The following SYCP1 variants were observed in gnomAD, a reference collection of about 807,000 sequenced individuals.
SYCP1 encodes the protein cancer/testis antigen 8.
Under a neutral mutation model 153.1 loss-of-function variants are expected in SYCP1, and 64 were observed. The observed-to-expected ratio is 0.42, with a 90% CI of 0.34 to 0.51. The LOEUF is 0.51. Among genes scored for constraint, SYCP1 ranks in the 20% least tolerant of loss-of-function variants. The pLI, the probability that SYCP1 is intolerant of heterozygous loss-of-function variation, is 0.06. For synonymous variants in SYCP1, 384 were observed against 341.8 expected (o/e 1.12, Z -1.36); for missense variants, 997 against 1,049.0 (o/e 0.95, Z 0.68).
At position 114,947,954 on chromosome 1, in the gene SYCP1, A is replaced by G. The variant is rs112611864; in HGVS notation, c.2322+634A>G. ...TTAAGTTTTAGGGTACATGTGCACA[A>G]CGTGCAGGTTTGTTACATATGTATA... On this transcript the variant is annotated intron_variant, in intron 27 of 31. Coordinates refer to ENST00000369522, the MANE Select transcript of SYCP1 (RefSeq NM_003176.4). Among the ~76,000 whole-genome samples, 997 of 151,904 alleles carry G rather than the reference A, an allele frequency of 6.6e-3. 7 individuals are homozygous for G. Among genetic ancestry groups the G allele is most frequent in the African/African-American group, 0.023 (939 of 41,410 alleles).
intron 27 of SYCP1, among the ~76,000 whole-genome samples, chr1:114,966,307 T>C (rs1016743023): frequency 4.6e-5 from 7 of 152,174 alleles, no homozygotes; most frequent in African/African-American, 1.7e-4. Context: ...CCTAGATTCG[T>C]TGATTTTTTT....
intron 30 of SYCP1, among the ~76,000 whole-genome samples, chr1:114,989,382 C>T (rs1673759289): frequency 6.7e-6 from 1 of 149,014 alleles, no homozygotes; most frequent in Admixed American, 6.8e-5. Context: ...TCAGAATGTT[C>T]AAGTACAAAA....
intron 8 of SYCP1, among the ~76,000 whole-genome samples, chr1:114,861,799 C>CTTTTT: frequency 7.7e-6 from 1 of 129,908 alleles, no homozygotes; most frequent in Non-Finnish European, 1.7e-5. Flanking sequence ...TTTTTTTATT[C>CTTTTT]TTTTTTTTTT....
chr1:114,981,415 C>T lies in SYCP1; in HGVS notation c.2462C>T (p.Ser821Phe). The change falls in exon 29 of 32, where the codon TCT becomes TTT. Residue 821 changes from serine (S) to phenylalanine (F), a missense_variant. This residue lies in a region of SYCP1 where 712 missense variants were observed against 682.9 expected (regional missense o/e 1.04). Coordinates refer to ENST00000369522, the MANE Select transcript of SYCP1 (RefSeq NM_003176.4). Reference protein sequence around the residue: ...DSKAVPSQTVSRNFTSVDHGI... With the variant: ...DSKAVPSQTVFRNFTSVDHGI... ...AAAGCAGTTCCTTCACAAACTGTAT[C>T]TCGAAATTTCACATCAGTTGATCAT... 6.2e-7 allele frequency: 1 copy of T among 1,609,404 alleles called. No individual in the cohort carries two copies. The highest frequency in any genetic ancestry group is 8.5e-7 in the Non-Finnish European group (1 of 1,178,150).
At chr1:114,913,248 T>G in intron 19 of SYCP1, 98 bp downstream of exon 19, 1 of 963,638 alleles carries the variant, frequency 1.0e-6, no homozygotes, top group Non-Finnish European at 1.6e-6. Context: ...AAAGTCTGAT[T>G]GCTTTAGAGC....
At chr1:114,876,460 T>C (rs1665542153) in intron 10 of SYCP1, among the ~76,000 whole-genome samples, 1 of 151,790 alleles carries the variant, frequency 6.6e-6, no homozygotes, top group Admixed American at 6.6e-5. Context: ...ATTATACATA[T>C]TTAAAACCTG....
chr1:114,966,082 G>A (rs1176659716), intron 27 of SYCP1, among the ~76,000 whole-genome samples: 1 of 152,126 alleles, frequency 6.6e-6, no homozygotes, highest in Non-Finnish European at 1.5e-5. Context: ...GAGGGTGTAT[G>A]TGTCCAGGAA....
chr1:114,901,360 A>G (rs1305392707), intron 16 of SYCP1, among the ~76,000 whole-genome samples: 1 of 152,172 alleles, frequency 6.6e-6, no homozygotes, highest in Non-Finnish European at 1.5e-5. Flanking sequence ...TAAGCTGAGT[A>G]CTCCTTAAGA....
intron 30 of SYCP1, among the ~76,000 whole-genome samples, chr1:114,986,248 C>T (rs1005692616): frequency 7.2e-5 from 11 of 151,850 alleles, no homozygotes; most frequent in Non-Finnish European, 1.3e-4. Flanking sequence ...GACATGGAAC[C>T]AAAATTTGAA....
intron 28 of SYCP1, among the ~76,000 whole-genome samples, chr1:114,978,652 A>G (rs781710839): frequency 2.4e-4 from 36 of 151,718 alleles, no homozygotes; most frequent in Non-Finnish European, 4.1e-4. Flanking sequence ...CTCTGATTAT[A>G]GTTAAACTGG....
At chr1:114,932,409 TA>T (rs1218720613) in intron 23 of SYCP1, among the ~76,000 whole-genome samples, 13 of 152,246 alleles carry the variant, frequency 8.5e-5, no homozygotes, top group African/African-American at 3.1e-4. Flanking sequence ...ATAAACTGGT[TA>T]AAATATTGGC....
At chr1:114,925,228 A>G (rs1669181302) in intron 21 of SYCP1, among the ~76,000 whole-genome samples, 1 of 152,134 alleles carries the variant, frequency 6.6e-6, no homozygotes, top group African/African-American at 2.4e-5. Context: ...AATACTTGGT[A>G]TGTAATTCAC....
chr1:114,974,122 T>C (rs1009239245), intron 27 of SYCP1, among the ~76,000 whole-genome samples: 1 of 151,912 alleles, frequency 6.6e-6, no homozygotes, highest in African/African-American at 2.4e-5. Flanking sequence ...TGATTGAATC[T>C]GTAATCCAAG....
intron 27 of SYCP1, among the ~76,000 whole-genome samples, chr1:114,961,066 C>G (rs890037260): frequency 2.0e-5 from 3 of 152,152 alleles, no homozygotes; most frequent in African/African-American, 7.2e-5. Flanking sequence ...CTCTTGCTTC[C>G]TGGTTTAATC....
chr1:114,981,263 AC>A (rs959232838), intron 28 of SYCP1, 72 bp from the exon 29 acceptor site: 2 of 1,202,276 alleles, frequency 1.7e-6, no homozygotes, highest in African/African-American at 3.1e-5. Flanking sequence ...TAGTTGCTGC[AC>A]TTTAATTAAA....
At chr1:114,959,856 C>T (rs757419311) in intron 27 of SYCP1, among the ~76,000 whole-genome samples, 47 of 152,214 alleles carry the variant, frequency 3.1e-4, no homozygotes, top group Middle Eastern at 3.4e-3. Context: ...CTTTCTGTGC[C>T]TGGCTTATTT....
At chr1:114,895,901 G>C (rs911579043) in intron 16 of SYCP1, among the ~76,000 whole-genome samples, 1 of 151,994 alleles carries the variant, frequency 6.6e-6, no homozygotes, top group Admixed American at 6.6e-5. Context: ...GAAGATGTAG[G>C]GTAAAATTTC....
chr1:114,992,844 C>G (rs1002585707), intron 30 of SYCP1, among the ~76,000 whole-genome samples: 1 of 151,156 alleles, frequency 6.6e-6, no homozygotes, highest in Admixed American at 6.6e-5. Flanking sequence ...AGTGAAAAGA[C>G]AAGGTAAATA....
At chr1:114,960,445 G>T (rs972542167) in intron 27 of SYCP1, among the ~76,000 whole-genome samples, 1 of 152,112 alleles carries the variant, frequency 6.6e-6, no homozygotes, top group African/African-American at 2.4e-5. Context: ...TGGGATTACG[G>T]GCGTGAGCCA....
Sources: gnomAD v4.1 joint callset for allele counts (sites outside exome capture counted in the v4.1 genomes callset) on GRCh38, gnomAD v4.1.1 for gene constraint, gnomAD v4.1.1 regional missense constraint, MANE v1.5 for transcripts, NCBI Gene and HGNC (gene_info 2026-07-23, HGNC 2026-07-21) for gene names.